The following LGR6 variants were observed in gnomAD, a reference collection of about 807,000 sequenced individuals.
The protein encoded by LGR6 is leucine-rich repeat-containing G protein-coupled receptor 6.
A neutral mutation model predicts 69.4 loss-of-function variants in LGR6; 45 were observed. The ratio of observed to expected loss-of-function variants is 0.65; its 90% confidence interval spans 0.51 to 0.83. LGR6 has a LOEUF of 0.83. Ranked by LOEUF, LGR6 falls within the 40% of genes least tolerant of loss-of-function variation. LGR6 has a pLI of 0.00. For missense variants in LGR6, 1,108 were observed against 1,246.7 expected (o/e 0.89, Z 1.68); for synonymous variants, 538 against 555.0 (o/e 0.97, Z 0.43).
intron 1 of LGR6, chr1:202,203,880 G>T (rs1222912189): frequency 6.2e-7 from 1 of 1,610,358 alleles, no homozygotes; most frequent in Non-Finnish European, 8.5e-7. Context: ...TGCCCGGTGA[G>T]TTGTTGCATG....
rs758216363 is a variant in LGR6 at position 202,300,852 on chromosome 1, G to A, written c.789G>A (p.Gly263=). ...IRTLGRLQEL[G]FHNNNIKAIP... ...GGTTCCTGGTGTTGTCTTCCAGGGG[G>A]TTCCATAACAACAACATCAAGGCCA... Residue 263 remains glycine, a synonymous_variant, in exon 8 of 18, where the codon GGG becomes GGA. Transcript: ENST00000367278. 44 of 1,609,078 alleles carry A rather than the reference G, an allele frequency of 2.7e-5. No individual in the cohort carries two copies. The highest frequency in any genetic ancestry group is 3.7e-5 in the Non-Finnish European group (43 of 1,177,860).
At chr1:202,225,921 C>T (rs1660513792) in intron 2 of LGR6, among the ~76,000 whole-genome samples, 1 of 152,156 alleles carries the variant, frequency 6.6e-6, no homozygotes, top group Admixed American at 6.5e-5. Flanking sequence ...GTTGAACCAG[C>T]CTCCTAACTG....
chr1:202,304,530 T>C (rs977895477), intron 10 of LGR6, 29 bp from the exon 11 acceptor site: 2 of 1,574,472 alleles, frequency 1.3e-6, no homozygotes, highest in South Asian at 1.1e-5. Context: ...CTGGGCCTGG[T>C]GCCAGCTCTG....
At chr1:202,291,335 G>A (rs1346681395) in intron 6 of LGR6, among the ~76,000 whole-genome samples, 1 of 152,178 alleles carries the variant, frequency 6.6e-6, no homozygotes, top group African/African-American at 2.4e-5. Context: ...AGCCATGGAT[G>A]AGTTTTCCTG....
intron 4 of LGR6, among the ~76,000 whole-genome samples, chr1:202,262,760 GGA>G (rs1486325910): frequency 6.6e-6 from 1 of 151,956 alleles, no homozygotes; most frequent in African/African-American, 2.4e-5. Flanking sequence ...CTGACTTCAA[GGA>G]GAGTGTCTCA....
At chr1:202,310,112 T>TG in intron 15 of LGR6, 85 bp from the exon 16 acceptor site, 1 of 1,405,228 alleles carries the variant, frequency 7.1e-7, no homozygotes, top group Non-Finnish European at 9.8e-7. Context: ...GCCCAGCCCC[T>TG]GGGTTGCAGA....
intron 1 of LGR6, among the ~76,000 whole-genome samples, chr1:202,220,309 C>A (rs1660063074): frequency 6.6e-6 from 1 of 152,176 alleles, no homozygotes; most frequent in Non-Finnish European, 1.5e-5. Flanking sequence ...CCTCCGCCTC[C>A]TGAGTTCAAG....
intron 1 of LGR6, among the ~76,000 whole-genome samples, chr1:202,194,936 G>A (rs1171730331): frequency 2.0e-5 from 3 of 152,192 alleles, no homozygotes; most frequent in Non-Finnish European, 4.4e-5. Flanking sequence ...GAGATGGCGC[G>A]TGAAGGGGAC....
intron 1 of LGR6, among the ~76,000 whole-genome samples, chr1:202,220,825 G>A (rs1660105223): frequency 2.6e-5 from 4 of 151,882 alleles, no homozygotes; most frequent in Admixed American, 2.6e-4. Flanking sequence ...TTTCCTGAAA[G>A]CAGATCTTAA....
intron 9 of LGR6, among the ~76,000 whole-genome samples, chr1:202,302,272 G>A (rs1667657870): frequency 1.3e-5 from 2 of 152,154 alleles, no homozygotes; most frequent in African/African-American, 4.8e-5. Context: ...CATCTTCATC[G>A]TAACCCTGTG....
chr1:202,249,737 T>C (rs1453288350), intron 4 of LGR6, among the ~76,000 whole-genome samples: 2 of 152,212 alleles, frequency 1.3e-5, no homozygotes, highest in Non-Finnish European at 2.9e-5. Flanking sequence ...CTGTACATCC[T>C]GTTCGCTCTG....
intron 16 of LGR6, among the ~76,000 whole-genome samples, chr1:202,312,661 G>T (rs1052529579): frequency 6.6e-6 from 1 of 152,206 alleles, no homozygotes; most frequent in Non-Finnish European, 1.5e-5. Flanking sequence ...TAAACCTGAA[G>T]ATTGTACAGT....
intron 4 of LGR6, among the ~76,000 whole-genome samples, chr1:202,252,792 T>C (rs1329126362): frequency 1.3e-5 from 2 of 152,216 alleles, no homozygotes; most frequent in Non-Finnish European, 2.9e-5. Context: ...ATGCTTCCTG[T>C]CTCCTTTCTC....
intron 3 of LGR6, among the ~76,000 whole-genome samples, chr1:202,233,448 C>T (rs1661263790): frequency 6.6e-6 from 1 of 152,164 alleles, no homozygotes; most frequent in African/African-American, 2.4e-5. Flanking sequence ...CAAGCACCCT[C>T]AGGCTTCTGC....
chr1:202,293,528 T>C (rs1299950518), intron 6 of LGR6, among the ~76,000 whole-genome samples: 1 of 152,068 alleles, frequency 6.6e-6, no homozygotes, highest in African/African-American at 2.4e-5. Flanking sequence ...CCCATCTCTC[T>C]ACCTTCCACT....
At chr1:202,205,076 CCTCCTCCACACACACACACGT>C (rs1659087678) in intron 1 of LGR6, among the ~76,000 whole-genome samples, 2 of 133,876 alleles carry the variant, frequency 1.5e-5, no homozygotes, top group Non-Finnish European at 3.2e-5. Flanking sequence ...CTAACACACA[CCTCCTCCACACACACACACGT>C]ACCTCCAAAC....
chr1:202,290,526 T>C (rs1193280603), intron 6 of LGR6, among the ~76,000 whole-genome samples: 2 of 152,182 alleles, frequency 1.3e-5, no homozygotes, highest in African/African-American at 4.8e-5. Context: ...GAGTCCTGGC[T>C]CTGGGACTTG....
rs139983211 is a variant in LGR6 at position 202,319,202 on chromosome 1, G to T, written c.2899G>T (p.Val967Leu). The change falls in exon 18 of 18, where the codon GTG becomes TTG. Residue 967 changes from valine to leucine, a missense_variant. Physicochemically the swap from Val to Leu is conservative, Grantham distance 32. Transcript: ENST00000367278. ...CTCTGGCTTGGCCTTTGCTTCACAC[G>T]TGTAAATATCCCTCCCCATTCTTCT... is the stretch of plus-strand genomic sequence containing the variant. ...QPSGLAFASH[V>L] 7 of 1,590,016 alleles carry T rather than the reference G, an allele frequency of 4.4e-6. No individual in the cohort carries two copies. The highest frequency in any genetic ancestry group is 3.4e-5 in the South Asian group (3 of 87,404).
At position 202,251,107 on chromosome 1, in the gene LGR6, C is replaced by T. The variant is rs548883333; in HGVS notation, c.428+15114C>T. ...GGAAAGCTACCCAAGGGGTTTAAAA[C>T]GAGACGATCACAGATGACGGCCTGA... On this transcript the variant is annotated intron_variant, in intron 4 of 17. Coordinates refer to ENST00000367278, the MANE Select transcript of LGR6 (RefSeq NM_001017403.2). Among the ~76,000 whole-genome samples, 53 of 152,226 alleles carry T rather than the reference C, an allele frequency of 3.5e-4. 2 individuals carry two copies. The South Asian group carries it at 0.01, about 29-fold the overall frequency.
Sources: gnomAD v4.1 joint callset for allele counts (sites outside exome capture counted in the v4.1 genomes callset) on GRCh38, gnomAD v4.1.1 for gene constraint, MANE v1.5 for transcripts, NCBI Gene and HGNC (gene_info 2026-07-23, HGNC 2026-07-21) for gene names.